Variants in AKAP13 observed in about 807,000 individuals in gnomAD.
The protein encoded by AKAP13 is A-kinase anchor protein 13.
Under a neutral mutation model 264.5 loss-of-function variants are expected in AKAP13, and 80 were observed. The ratio of observed to expected loss-of-function variants is 0.30; its 90% CI spans 0.25 to 0.36. The LOEUF (loss-of-function observed/expected upper bound fraction) is 0.36. AKAP13 is among the 10% of genes least tolerant of loss of function. The pLI is 1.00. For synonymous variants in AKAP13, 1,380 were observed against 1,250.2 expected (o/e 1.10, Z -2.19); for missense variants, 3,712 against 3,435.2 (o/e 1.08, Z -2.01).
chr15:85,468,976 G>A (rs561985518), intron 1 of AKAP13, among the ~76,000 whole-genome samples: 6 of 134,850 alleles, frequency 4.4e-5, no homozygotes, highest in Non-Finnish European at 9.2e-5. Flanking sequence ...GTGCAATGGC[G>A]TGATCTCAGC....
chr15:85,687,520 A>G (rs1193951194), intron 16 of AKAP13, among the ~76,000 whole-genome samples: 1 of 152,148 alleles, frequency 6.6e-6, no homozygotes, highest in African/African-American at 2.4e-5. Context: ...TTCCTCTTTC[A>G]GACTTGGCTT....
At chr15:85,520,200 TAA>T (rs907126087) in intron 2 of AKAP13, among the ~76,000 whole-genome samples, 3 of 151,942 alleles carry the variant, frequency 2.0e-5, no homozygotes, top group Non-Finnish European at 2.9e-5. Context: ...TAAAAACTAC[TAA>T]AGAGTATTTG....
chr15:85,529,978 A>G (rs1049273803), intron 3 of AKAP13, among the ~76,000 whole-genome samples: 2 of 152,148 alleles, frequency 1.3e-5, no homozygotes, highest in African/African-American at 4.8e-5. Flanking sequence ...TATTGGATTA[A>G]CAATTGGACA....
At chr15:85,706,769 C>T (rs903267895) in intron 17 of AKAP13, among the ~76,000 whole-genome samples, 4 of 152,084 alleles carry the variant, frequency 2.6e-5, no homozygotes, top group Non-Finnish European at 5.9e-5. Context: ...GGTCCCTGCC[C>T]CAGAGAGGGG....
chr15:85,607,544 G>A (rs537092344), intron 8 of AKAP13, among the ~76,000 whole-genome samples: 8 of 152,004 alleles, frequency 5.3e-5, no homozygotes, highest in Admixed American at 2.6e-4. Flanking sequence ...TAAAACTTGC[G>A]TAAGGCAGCC....
intron 8 of AKAP13, among the ~76,000 whole-genome samples, chr15:85,622,162 A>C (rs2081222609): frequency 1.3e-5 from 2 of 152,214 alleles, no homozygotes; most frequent in Non-Finnish European, 2.9e-5. Context: ...AAGGTAGACA[A>C]TAAATAGAGA....
chr15:85,672,181 A>C (rs11631660), intron 14 of AKAP13, among the ~76,000 whole-genome samples: 30,461 of 152,106 alleles, frequency 0.2, 4,037 homozygotes, highest in Middle Eastern at 0.42. Context: ...TATTCCTTTC[A>C]TCCAAATGTA....
intron 15 of AKAP13, among the ~76,000 whole-genome samples, chr15:85,683,246 G>C (rs1275489929): frequency 1.3e-5 from 2 of 152,138 alleles, no homozygotes; most frequent in South Asian, 2.1e-4. Flanking sequence ...ACAGACTGCT[G>C]TATTTTGTAA....
At chr15:85,644,333 C>T (rs2082446254) in intron 9 of AKAP13, among the ~76,000 whole-genome samples, 4 of 151,680 alleles carry the variant, frequency 2.6e-5, no homozygotes, top group Admixed American at 2.0e-4. Context: ...CTCCGCTTCC[C>T]GGGTTCAAGC....
chr15:85,569,390 G>A (rs1344617176), intron 5 of AKAP13, among the ~76,000 whole-genome samples: 1 of 151,854 alleles, frequency 6.6e-6, no homozygotes, highest in African/African-American at 2.4e-5. Flanking sequence ...ATGGATTTTT[G>A]TGGATGGCAA....
At chr15:85,464,418 A>ACTTTTGAGGTATTC (rs2074646838) in intron 1 of AKAP13, among the ~76,000 whole-genome samples, 1 of 152,224 alleles carries the variant, frequency 6.6e-6, no homozygotes. Flanking sequence ...TTCTTGTAGA[A>ACTTTTGAGGTATTC]TATGGATAAT....
intron 1 of AKAP13, among the ~76,000 whole-genome samples, chr15:85,420,609 A>G (rs985706548): frequency 6.6e-6 from 1 of 152,210 alleles, no homozygotes; most frequent in Non-Finnish European, 1.5e-5. Context: ...ACTTTATTTC[A>G]CCAGAGAATA....
At chr15:85,686,334 A>T (rs943552888) in intron 16 of AKAP13, among the ~76,000 whole-genome samples, 1 of 152,234 alleles carries the variant, frequency 6.6e-6, no homozygotes, top group Non-Finnish European at 1.5e-5. Flanking sequence ...TCACAAAACA[A>T]GGTGCACTAA....
chr15:85,438,898 A>G (rs1271203377), intron 1 of AKAP13, among the ~76,000 whole-genome samples: 1 of 148,414 alleles, frequency 6.7e-6, no homozygotes, highest in African/African-American at 2.5e-5. Flanking sequence ...CATTCAGGAC[A>G]TAGGCATGGG....
Position 85,580,430 on chromosome 15 carries a change from G to A in AKAP13, c.2362G>A (p.Ala788Thr). 6.2e-7 allele frequency: 1 copy of A among 1,614,206 alleles called. No homozygotes were observed. The highest frequency in any genetic ancestry group is 8.5e-7 in the Non-Finnish European group (1 of 1,180,040). The change falls in exon 7 of 37, where the codon GCA (alanine) becomes ACA (threonine). Residue 788 changes from alanine to threonine, a missense_variant. Transcript: ENST00000394518. ...AATATCAGACAGTACTTTCTCTCTG[G>A]CAAACAGTCCAGGCAGTGAATCAGT... ...AVISDSTFSLANSPGSESVTK... is the reference protein window; with the variant it reads ...AVISDSTFSLTNSPGSESVTK...
At chr15:85,542,717 G>A (rs1441748206) in intron 4 of AKAP13, among the ~76,000 whole-genome samples, 1 of 152,168 alleles carries the variant, frequency 6.6e-6, no homozygotes, top group Non-Finnish European at 1.5e-5. Flanking sequence ...ATCCTAGGTT[G>A]GGCACTGAGG....
intron 8 of AKAP13, among the ~76,000 whole-genome samples, chr15:85,631,502 TCACACACACACACACACA>T (rs55928032): frequency 0.45 from 63,675 of 141,242 alleles, 14,704 homozygotes; most frequent in East Asian, 0.55. Context: ...TCTCTCTCTC[TCACACACACACACACACA>T]CACACACACA....
chr15:85,424,628 C>T (rs2072684960), intron 1 of AKAP13, among the ~76,000 whole-genome samples: 1 of 152,226 alleles, frequency 6.6e-6, no homozygotes, highest in Admixed American at 6.5e-5. Context: ...TATGTGCTCA[C>T]TGGAATAACA....
chr15:85,714,082 T>G (rs1359407827), intron 19 of AKAP13, among the ~76,000 whole-genome samples: 2 of 152,240 alleles, frequency 1.3e-5, no homozygotes, highest in South Asian at 2.1e-4. Flanking sequence ...AATAGCCTAC[T>G]GTTGACCAGA....
Sources: allele counts gnomAD v4.1 joint callset (sites outside exome capture counted in the v4.1 genomes callset), GRCh38; gene constraint gnomAD v4.1.1; transcripts MANE v1.5; gene names NCBI Gene and HGNC (gene_info 2026-07-23, HGNC 2026-07-21).